JARID2: variants seen among roughly 807,000 people sequenced by gnomAD.
JARID2 encodes jumonji and AT-rich interaction domain containing 2.
JARID2 carries 21 observed loss-of-function variants against 125.6 expected under a neutral mutation model. That is an observed-to-expected ratio of 0.17 (90% CI 0.12 to 0.24). The LOEUF is 0.24. JARID2 is among the 10% of genes least tolerant of loss of function. The probability of loss-of-function intolerance (pLI) is 1.00; values close to 1 mark genes in which losing one functional copy is unlikely to be tolerated. For missense variants in JARID2, 1,303 were observed against 1,639.6 expected, an observed-to-expected ratio of 0.79 and a Z score of 3.55; for synonymous variants, 736 against 661.6, an observed-to-expected ratio of 1.11 and a Z score of -1.73.
chr6:15,520,454 T>G lies in JARID2; in HGVS notation c.*203T>G, dbSNP rs1226186998. The G allele has an allele frequency of 2.1e-6, 1 of 467,232 alleles. No individual in the cohort carries two copies. The highest frequency in any genetic ancestry group is 3.7e-5 in the East Asian group (1 of 27,256). 28.9% of individuals were successfully genotyped at this position (467,232 alleles called of 1,614,324 possible). ...AGAAAACCTAGATACTGCAGTCAGA[T>G]TTTGGAAACTGCCGTATAGTCACTG... On this transcript the variant is annotated 3_prime_UTR_variant, in exon 18 of 18. Transcript: ENST00000341776.
intron 2 of JARID2, among the ~76,000 whole-genome samples, chr6:15,392,039 GGTGTGTGTGTGTGTGT>G (rs55811028): frequency 1.4e-4 from 17 of 122,814 alleles, no homozygotes; most frequent in Admixed American, 4.4e-4. Context: ...ATCCCAGAGT[GGTGTGTGTGTGTGTGT>G]GTGTGTGTGT....
chr6:15,256,180 C>A (rs921037101), intron 1 of JARID2, among the ~76,000 whole-genome samples: 1 of 152,168 alleles, frequency 6.6e-6, no homozygotes, highest in Non-Finnish European at 1.5e-5. Context: ...TCAGGCCTGC[C>A]GGCGGCCTTC....
intron 1 of JARID2, among the ~76,000 whole-genome samples, chr6:15,291,622 T>C (rs898312312): frequency 6.6e-6 from 1 of 152,218 alleles, no homozygotes; most frequent in African/African-American, 2.4e-5. Flanking sequence ...GTGTGTGGGA[T>C]GCGCAGCCAG....
chr6:15,409,481 T>C (rs1023942948), intron 2 of JARID2, among the ~76,000 whole-genome samples: 1 of 152,222 alleles, frequency 6.6e-6, no homozygotes, highest in Non-Finnish European at 1.5e-5. Flanking sequence ...GGCTTTGTTA[T>C]TCACCCGTTT....
At chr6:15,466,489 C>T (rs1346867508) in intron 4 of JARID2, among the ~76,000 whole-genome samples, 1 of 152,234 alleles carries the variant, frequency 6.6e-6, no homozygotes, top group Non-Finnish European at 1.5e-5. Context: ...ATGGCAGAGT[C>T]TAAAACTTAC....
At chr6:15,383,649 C>A (rs112614296) in intron 2 of JARID2, among the ~76,000 whole-genome samples, 3 of 152,148 alleles carry the variant, frequency 2.0e-5, no homozygotes, top group African/African-American at 7.2e-5. Flanking sequence ...ACCTTTAAAC[C>A]CCTCACGTTG....
intron 1 of JARID2, among the ~76,000 whole-genome samples, chr6:15,276,392 C>G (rs1265634325): frequency 6.6e-6 from 1 of 152,186 alleles, no homozygotes; most frequent in Non-Finnish European, 1.5e-5. Context: ...ATATTCCTGC[C>G]AGTGCATTTA....
chr6:15,362,410 T>C (rs1053137005), intron 1 of JARID2, among the ~76,000 whole-genome samples: 2 of 152,206 alleles, frequency 1.3e-5, no homozygotes, highest in South Asian at 2.1e-4. Flanking sequence ...CTTTTTATTC[T>C]TGTCTCTTGA....
At chr6:15,403,814 A>G (rs1339274941) in intron 2 of JARID2, among the ~76,000 whole-genome samples, 1 of 152,144 alleles carries the variant, frequency 6.6e-6, no homozygotes, top group Non-Finnish European at 1.5e-5. Context: ...CTGTTTTTGC[A>G]GGGGTTAAAT....
rs369032031 is a variant in JARID2, at chr6:15,416,399, T to C, written c.323+6034T>C. ...CCACTGCACTCCAGCCTGGGCACCA[T>C]TGAGCACTGAGTGAACCAGACTCCG... On this transcript the variant is annotated intron_variant, in intron 3 of 17. Coordinates refer to ENST00000341776, the MANE Select transcript of JARID2 (RefSeq NM_004973.4). Among the ~76,000 whole-genome samples, 430 of 152,218 alleles carry C rather than the reference T, an allele frequency of 2.8e-3. 2 individuals carry two copies. Among genetic ancestry groups the C allele is most frequent in the South Asian group, 0.015 (71 of 4,812 alleles).
chr6:15,430,134 T>G (rs1472187741), intron 3 of JARID2, among the ~76,000 whole-genome samples: 6 of 152,244 alleles, frequency 3.9e-5, no homozygotes, highest in Non-Finnish European at 7.3e-5. Flanking sequence ...AACCTCTGCA[T>G]CTATGTCCAT....
At chr6:15,376,352 T>C (rs148514540) in intron 2 of JARID2, among the ~76,000 whole-genome samples, 1 of 152,310 alleles carries the variant, frequency 6.6e-6, no homozygotes, top group East Asian at 1.9e-4. Flanking sequence ...TTTGTTATTC[T>C]GTATGTGGGA....
intron 6 of JARID2, among the ~76,000 whole-genome samples, chr6:15,492,434 A>G (rs1450447225): frequency 2.6e-5 from 4 of 152,130 alleles, no homozygotes; most frequent in Non-Finnish European, 4.4e-5. Flanking sequence ...GTGTGGTTTT[A>G]ATTGATACAG....
intron 17 of JARID2, among the ~76,000 whole-genome samples, chr6:15,519,414 C>G (rs2127777012): frequency 6.6e-6 from 1 of 152,280 alleles, no homozygotes; most frequent in South Asian, 2.1e-4. Flanking sequence ...ATCAGGCCCT[C>G]AGATGTTTCA....
At chr6:15,262,033 A>C (rs949478005) in intron 1 of JARID2, among the ~76,000 whole-genome samples, 1 of 148,052 alleles carries the variant, frequency 6.8e-6, no homozygotes, top group Non-Finnish European at 1.5e-5. Flanking sequence ...GCCTGCCTCA[A>C]CCTCCGAAAG....
chr6:15,283,862 T>C lies in JARID2; in HGVS notation c.45+37278T>C, dbSNP rs540011341. On this transcript the variant is annotated intron_variant, in intron 1 of 17. Transcript: ENST00000341776. ...CTGGGACTACAGGCGCCTGCCACCA[T>C]GCCCGGCTAATTTTTTTTGAATTTT... Among the ~76,000 whole-genome samples, 169 of 151,744 alleles carry C rather than the reference T, an allele frequency of 1.1e-3. 2 individuals carry two copies. Among genetic ancestry groups the C allele is most frequent in the Middle Eastern group, 3.4e-3 (1 of 294 alleles).
chr6:15,405,447 G>A (rs1765611086), intron 2 of JARID2, among the ~76,000 whole-genome samples: 2 of 152,330 alleles, frequency 1.3e-5, no homozygotes, highest in Non-Finnish European at 1.5e-5. Flanking sequence ...ACTAGCTGAG[G>A]TTGCAGGCAC....
At chr6:15,348,464 A>G (rs900751466) in intron 1 of JARID2, among the ~76,000 whole-genome samples, 1 of 152,140 alleles carries the variant, frequency 6.6e-6, no homozygotes, top group Non-Finnish European at 1.5e-5. Context: ...AGGGGTTCTC[A>G]GTATTTTTTA....
intron 3 of JARID2, among the ~76,000 whole-genome samples, chr6:15,427,853 G>A (rs1382725658): frequency 6.6e-6 from 1 of 152,064 alleles, no homozygotes; most frequent in African/African-American, 2.4e-5. Flanking sequence ...TGGTTCACAT[G>A]TGAGTGCTTA....
Sources: gnomAD v4.1 joint callset for allele counts (sites outside exome capture counted in the v4.1 genomes callset) on GRCh38, gnomAD v4.1.1 for gene constraint, MANE v1.5 for transcripts, NCBI Gene and HGNC (gene_info 2026-07-23, HGNC 2026-07-21) for gene names.